Variants in KLF4 observed in about 807,000 individuals in gnomAD.
KLF4 encodes the protein Krueppel-like factor 4.
In KLF4, 14 loss-of-function variants were observed where a neutral mutation model predicts 38.0. The observed-to-expected ratio is 0.37, with a 90% CI of 0.24 to 0.58. The LOEUF (loss-of-function observed/expected upper bound fraction) is 0.58, where lower values mean the gene tolerates loss of function less well. KLF4 is among the 20% of genes least tolerant of loss of function. The pLI is 0.76. For missense variants in KLF4, 737 were observed against 670.1 expected (o/e 1.10, Z -1.10); for synonymous variants, 398 against 302.5 (o/e 1.32, Z -3.28).
intron 4 of KLF4, 30 bp downstream of exon 4, chr9:107,486,998 C>T (rs1829074952): frequency 6.2e-7 from 1 of 1,614,044 alleles, no homozygotes; most frequent in Non-Finnish European, 8.5e-7. Context: ...GGAAGCTAAC[C>T]CCCCTCCCTT....
chr9:107,486,067 G>A lies in KLF4; in HGVS notation c.1265-141C>T, dbSNP rs1829057973. The stretch of plus-strand genomic sequence containing the variant: ...GGAATGTCTTTATACCACTGAAGGG[G>A]TGTATTGAATTCCATATCATAAACA... On this transcript the variant is annotated intron_variant, in intron 4 of 4. Transcript: ENST00000374672. 3.9e-5 allele frequency: 27 copies of A among 693,168 alleles called. 1 individual carries two copies. The South Asian group carries it at 4.9e-4, about 13-fold the overall frequency. The allele number at this position is 693,168 out of a possible 1,614,324, so 42.9% of individuals were successfully genotyped here.
intron 4 of KLF4, 64 bp downstream of exon 4, chr9:107,486,964 T>G (rs1236317296): frequency 6.2e-7 from 1 of 1,612,696 alleles, no homozygotes; most frequent in Non-Finnish European, 8.5e-7. Flanking sequence ...CACTGAGGAG[T>G]GTCCACTGGT....
rs766335225 is a variant in KLF4 at position 107,487,715 on chromosome 9, C to T, written c.679G>A (p.Gly227Ser). Reference sequence around the variant, plus strand: ...AGCGACGCCTTCAGCACGAACTTGCCCATCAGCCCGCCACCTGGCGGCTGC... The same window carrying T: ...AGCGACGCCTTCAGCACGAACTTGCTCATCAGCCCGCCACCTGGCGGCTGC... Reference protein sequence around the residue: ...QPQPPGGGLMGKFVLKASLSA... With the variant: ...QPQPPGGGLMSKFVLKASLSA... The change falls in exon 3 of 5, where the codon GGC (glycine) becomes AGC (serine). Residue 227 changes from glycine to serine, a missense_variant. By Grantham distance (56) the Gly-to-Ser change is moderately conservative (BLOSUM62 0). Coordinates refer to ENST00000374672, the MANE Select transcript of KLF4 (RefSeq NM_004235.6). The surrounding 1 kb of genome is among the most constrained non-coding windows in gnomAD (Gnocchi z 6.1). 49 of 1,601,130 alleles carry T rather than the reference C, an allele frequency of 3.1e-5. No individual in the cohort carries two copies. In the South Asian group the frequency reaches 5.3e-4, roughly 17 times the overall value.
At position 107,485,310 on chromosome 9, in the gene KLF4, C is replaced by T. The variant is rs1829040900; in HGVS notation, c.*441G>A. The T allele has an allele frequency of 4.5e-6, 1 of 223,134 alleles. No individual in the cohort carries two copies. The highest frequency in any genetic ancestry group is 6.6e-5 in the East Asian group (1 of 15,058). The allele number at this position is 223,134 out of a possible 1,614,324, so 13.8% of individuals were successfully genotyped here. A position where few individuals can be genotyped will look rare whatever the true frequency, so the allele number is the denominator to read the frequency against. ...AAACATGTTTTCTGTACCTGAATTTCTTCCTCTTCTTCTAACATCATAATA... is the reference window on the plus strand; with the variant it reads ...AAACATGTTTTCTGTACCTGAATTTTTTCCTCTTCTTCTAACATCATAATA... On this transcript the variant is annotated 3_prime_UTR_variant, in exon 5 of 5. Coordinates refer to ENST00000374672, the MANE Select transcript of KLF4 (RefSeq NM_004235.6). The surrounding 1 kb of genome is among the most constrained non-coding windows in gnomAD (Gnocchi z 4.9).
Position 107,487,627 on chromosome 9 carries a change from T to C in KLF4, c.767A>G (p.Asp256Gly). 2.5e-6 allele frequency: 4 copies of C among 1,603,194 alleles called. No individual in the cohort carries two copies. The highest frequency in any genetic ancestry group is 3.4e-6 in the Non-Finnish European group (4 of 1,178,726). ...SVISVSKGSPDGSHPVVVAPY... is the reference protein window; with the variant it reads ...SVISVSKGSPGGSHPVVVAPY... ...CGCCACCACCACCGGGTGGCTGCCG[T>C]CAGGGCTGCCTTTGCTGACGCTGAT... The change falls in exon 3 of 5, where the codon GAC becomes GGC. Residue 256 changes from aspartate to glycine, a missense_variant. Transcript: ENST00000374672. This position sits in a 1 kb window ranked among gnomAD's most constrained non-coding sequence, Gnocchi z 6.1.
rs919530685 is a variant in KLF4, at chr9:107,484,869, A to C, written c.*882T>G. ...AAACATTATTCAGATAAAATATTAT[A>C]GGTTTATTTAAAACTTAATTCTCAC... On this transcript the variant is annotated 3_prime_UTR_variant, in exon 5 of 5. Transcript: ENST00000374672. 1.1e-5 allele frequency: 2 copies of C among 185,436 alleles called. No individual in the cohort carries two copies. The highest frequency in any genetic ancestry group is 2.3e-5 in the Non-Finnish European group (2 of 87,330). The allele number at this position is 185,436 out of a possible 1,614,324, so 11.5% of individuals were successfully genotyped here. A position where few individuals can be genotyped will look rare whatever the true frequency, so the allele number is the denominator to read the frequency against.
chr9:107,487,705 A>T lies in KLF4; in HGVS notation c.689T>A (p.Val230Glu). 3.1e-6 allele frequency: 5 copies of T among 1,605,124 alleles called. No individual in the cohort carries two copies. The highest frequency in any genetic ancestry group is 4.2e-6 in the Non-Finnish European group (5 of 1,177,448). Residue 230 changes from valine (V) to glutamate (E), a missense_variant, in exon 3 of 5, where the codon GTG becomes GAG. Val to Glu is a moderately radical substitution (Grantham distance 121, BLOSUM62 -2). Coordinates refer to ENST00000374672, the MANE Select transcript of KLF4 (RefSeq NM_004235.6). This position sits in a 1 kb window ranked among gnomAD's most constrained non-coding sequence, Gnocchi z 6.1. ...PPGGGLMGKF[V>E]LKASLSAPGS... ...AGGGGCGCTCAGCGACGCCTTCAGCACGAACTTGCCCATCAGCCCGCCACC... is the reference window on the plus strand; with the variant it reads ...AGGGGCGCTCAGCGACGCCTTCAGCTCGAACTTGCCCATCAGCCCGCCACC...
In KLF4 at chr9:107,488,476, A is replaced by G; in HGVS notation, c.127-209T>C. 1.1e-6 allele frequency: 1 copy of G among 872,224 alleles called. No homozygotes were observed. The highest frequency in any genetic ancestry group is 1.7e-6 in the Non-Finnish European group (1 of 590,456). 54.0% of individuals were successfully genotyped at this position (872,224 alleles called of 1,614,324 possible). A position where few individuals can be genotyped will look rare whatever the true frequency, so the allele number is the denominator to read the frequency against. Reference sequence around the variant, plus strand: ...GTGATGCGTCTGTATTGCGGGTGTTATGTCCTGTCTGCCCAATTGCGTGTG... The same window carrying G: ...GTGATGCGTCTGTATTGCGGGTGTTGTGTCCTGTCTGCCCAATTGCGTGTG... On this transcript the variant is annotated intron_variant, in intron 2 of 4. Transcript: ENST00000374672. The surrounding 1 kb of genome is among the most constrained non-coding windows in gnomAD (Gnocchi z 5.7).
At position 107,487,557 on chromosome 9, in the gene KLF4, C is replaced by T. The variant is rs1829092638; in HGVS notation, c.837G>A (p.Gln279=). The T allele has an allele frequency of 2.5e-6, 4 of 1,573,306 alleles. No homozygotes were observed. In the African/African-American group the frequency reaches 4.1e-5, roughly 16 times the overall value. Residue 279 remains glutamine (Q), a synonymous_variant, in exon 3 of 5, where the codon CAG becomes CAA. Coordinates refer to ENST00000374672, the MANE Select transcript of KLF4 (RefSeq NM_004235.6). The surrounding 1 kb of genome is among the most constrained non-coding windows in gnomAD (Gnocchi z 6.1). ...GPPRTCPKIK[Q]EAVSSCTHLG... is the part of the protein sequence containing the mutation. ...AGTGGGTGCACGAAGAGACCGCCTC[C>T]TGCTTGATCTTGGGGCACGTGCGCG... is the stretch of plus-strand genomic sequence containing the variant.
At position 107,488,451 on chromosome 9, in the gene KLF4, G is replaced by A; in HGVS notation, c.127-184C>T. The A allele has an allele frequency of 2.8e-6, 3 of 1,067,734 alleles. No individual in the cohort carries two copies. The highest frequency in any genetic ancestry group is 3.9e-6 in the Non-Finnish European group (3 of 765,372). The allele number at this position is 1,067,734 out of a possible 1,614,324, so 66.1% of individuals were successfully genotyped here. A position where few individuals can be genotyped will look rare whatever the true frequency, so the allele number is the denominator to read the frequency against. ...GGCCCACTCCCGGGTCGAAGAAGAGGTGATGCGTCTGTATTGCGGGTGTTA... is the reference window on the plus strand; with the variant it reads ...GGCCCACTCCCGGGTCGAAGAAGAGATGATGCGTCTGTATTGCGGGTGTTA... On this transcript the variant is annotated intron_variant, in intron 2 of 4. Coordinates refer to ENST00000374672, the MANE Select transcript of KLF4 (RefSeq NM_004235.6). This position sits in a 1 kb window ranked among gnomAD's most constrained non-coding sequence, Gnocchi z 5.7.
In KLF4 at chr9:107,487,420, A is replaced by G. The variant is rs1004444441; in HGVS notation, c.974T>C (p.Leu325Pro). The G allele has an allele frequency of 3.9e-6, 6 of 1,519,632 alleles. No individual in the cohort carries two copies. The highest frequency in any genetic ancestry group is 5.3e-6 in the Non-Finnish European group (6 of 1,135,732). The allele number at this position is 1,519,632 out of a possible 1,614,324, so 94.1% of individuals were successfully genotyped here. ...TTPTLGLEEV[L>P]SSRDCHPALP... ...GGCAGGGTGACAGTCCCTGCTGCTC[A>G]GCACTTCCTCAAGACCCAGGGTCGG... The change falls in exon 3 of 5, where the codon CTG becomes CCG. Residue 325 changes from leucine (L) to proline (P), a missense_variant. Leu to Pro is a moderately conservative substitution (Grantham distance 98, BLOSUM62 -3). Around this residue, in one of 2 missense-constraint regions of KLF4, gnomAD observed 695 missense variants for 554.5 expected, o/e 1.25. Transcript: ENST00000374672. The surrounding 1 kb of genome is among the most constrained non-coding windows in gnomAD (Gnocchi z 6.1).
chr9:107,487,926 G>C lies in KLF4; in HGVS notation c.468C>G (p.Ala156=), dbSNP rs774140707. 8.2e-6 allele frequency: 13 copies of C among 1,576,874 alleles called. No individual in the cohort carries two copies. The East Asian group carries it at 2.3e-4, about 28-fold the overall frequency. Reference sequence around the variant, plus strand: ...CCGGCGCCACGCCCGGGTCGTTCCCGGCCCGGATCGGATAGGTGAAGCTGC... The same window carrying C: ...CCGGCGCCACGCCCGGGTCGTTCCCCGCCCGGATCGGATAGGTGAAGCTGC... The part of the protein sequence containing the change: ...STCSFTYPIR[A]GNDPGVAPGG... The change falls in exon 3 of 5, where the codon GCC becomes GCG. Residue 156 remains alanine, a synonymous_variant. Coordinates refer to ENST00000374672, the MANE Select transcript of KLF4 (RefSeq NM_004235.6). The surrounding 1 kb of genome is among the most constrained non-coding windows in gnomAD (Gnocchi z 6.1).
chr9:107,489,146 C>A, intron 1 of KLF4, 22 bp downstream of exon 1: 1 of 1,533,532 alleles, frequency 6.5e-7, no homozygotes, highest in African/African-American at 1.4e-5. Context: ...TCCCTGCTCC[C>A]AGCGCCGCGC....
rs1446641933 is a variant in KLF4 at position 107,487,004 on chromosome 9, C to G, written c.1264+24G>C. The G allele has an allele frequency of 1.2e-6, 2 of 1,614,174 alleles. No homozygotes were observed. The highest frequency in any genetic ancestry group is 1.7e-6 in the Non-Finnish European group (2 of 1,180,028). ...TATGGGGCTGGAAGCTAACCCCCCT[C>G]CCTTCTGCAGTTTGTCCCCCTACCT... On this transcript the variant is annotated intron_variant, in intron 4 of 4. Coordinates refer to ENST00000374672, the MANE Select transcript of KLF4 (RefSeq NM_004235.6). This position sits in a 1 kb window ranked among gnomAD's most constrained non-coding sequence, Gnocchi z 6.1.
chr9:107,488,860 G>A lies in KLF4; in HGVS notation c.126+70C>T. The A allele has an allele frequency of 6.6e-7, 1 of 1,517,202 alleles. No homozygotes were observed. Among genetic ancestry groups the A allele is most frequent in the Non-Finnish European group, 8.9e-7 (1 of 1,126,026 alleles). The allele number at this position is 1,517,202 out of a possible 1,614,324, so 94.0% of individuals were successfully genotyped here. On this transcript the variant is annotated intron_variant, in intron 2 of 4. Coordinates refer to ENST00000374672, the MANE Select transcript of KLF4 (RefSeq NM_004235.6). This position sits in a 1 kb window ranked among gnomAD's most constrained non-coding sequence, Gnocchi z 5.7. ...GTTCAGTGGCTCTTGGTGACCCCAA[G>A]GCTCCGCCCGCCCCCACCACACCCA...
Position 107,487,108 on chromosome 9 carries a change from G to C in KLF4, c.1184C>G (p.Thr395Ser), listed in dbSNP as rs2133187463. 1 of 1,614,224 alleles carries C rather than the reference G, an allele frequency of 6.2e-7. No homozygotes were observed. Among genetic ancestry groups the C allele is most frequent in the Non-Finnish European group, 8.5e-7 (1 of 1,180,046 alleles). ...GCAGCCCGCGTAATCACAAGTGTGG[G>C]TGGCGGTCCTTTTCCGGGGCCACGA... Reference protein sequence around the residue: ...RRSWPRKRTATHTCDYAGCGK... With the variant: ...RRSWPRKRTASHTCDYAGCGK... The change falls in exon 4 of 5, where the codon ACC (threonine) becomes AGC (serine). Residue 395 changes from threonine (T) to serine (S), a missense_variant. This residue lies in a region of KLF4 where 695 missense variants were observed against 554.5 expected (regional missense o/e 1.25). Transcript: ENST00000374672. The surrounding 1 kb of genome is among the most constrained non-coding windows in gnomAD (Gnocchi z 6.1).
chr9:107,487,495 G>A lies in KLF4; in HGVS notation c.899C>T (p.Pro300Leu), dbSNP rs778509980. The A allele has an allele frequency of 5.2e-6, 8 of 1,541,696 alleles. No homozygotes were observed. Among genetic ancestry groups the A allele is most frequent in the Non-Finnish European group, 7.0e-6 (8 of 1,145,848 alleles). ...AGPPLSNGHR[P>L]AAHDFPLGRQ... ...CCCCAGGGGGAAGTCGTGTGCAGCC[G>A]GCCGGTGGCCATTGCTGAGAGGGGG... The change falls in exon 3 of 5, where the codon CCG becomes CTG. Residue 300 changes from proline to leucine, a missense_variant. Pro to Leu is a moderately conservative substitution (Grantham distance 98, BLOSUM62 -3). This residue lies in a region of KLF4 where 695 missense variants were observed against 554.5 expected (regional missense o/e 1.25). Transcript: ENST00000374672. The surrounding 1 kb of genome is among the most constrained non-coding windows in gnomAD (Gnocchi z 6.1).
Position 107,485,591 on chromosome 9 carries a change from T to C in KLF4, c.*160A>G. ...TGATTTTTGTCTTTTGGATTCCTCA[T>C]TTTTCCTGATTATCCACTCACAAGA... On this transcript the variant is annotated 3_prime_UTR_variant, in exon 5 of 5. Transcript: ENST00000374672. This position sits in a 1 kb window ranked among gnomAD's most constrained non-coding sequence, Gnocchi z 4.9. The C allele has an allele frequency of 1.5e-6, 1 of 664,292 alleles. No homozygotes were observed. Among genetic ancestry groups the C allele is most frequent in the South Asian group, 2.6e-5 (1 of 39,070 alleles). The allele number at this position is 664,292 out of a possible 1,614,324, so 41.1% of individuals were successfully genotyped here.
At position 107,489,318 on chromosome 9, in the gene KLF4, A is replaced by G. The variant is rs1284828712; in HGVS notation, c.-146T>C. The G allele has an allele frequency of 4.4e-6, 5 of 1,143,742 alleles. No homozygotes were observed. The highest frequency in any genetic ancestry group is 4.7e-6 in the Non-Finnish European group (4 of 856,626). The allele number at this position is 1,143,742 out of a possible 1,614,324, so 70.8% of individuals were successfully genotyped here. On this transcript the variant is annotated 5_prime_UTR_variant, in exon 1 of 5. Transcript: ENST00000374672. The stretch of plus-strand genomic sequence containing the variant: ...TTCTTTGGATTAAATATAACTTGGA[A>G]GCGTCTTTTTTAAAAAGTTCCTTTG...
Sources: allele counts gnomAD v4.1 joint callset, GRCh38; gene constraint gnomAD v4.1.1; regional missense constraint gnomAD v4.1.1; non-coding constraint Gnocchi (gnomAD v3.1); transcripts MANE v1.5; gene names NCBI Gene and HGNC (gene_info 2026-07-23, HGNC 2026-07-21).